MIB1: variants seen among roughly 807,000 people sequenced by gnomAD.
MIB1 encodes the protein E3 ubiquitin-protein ligase MIB1.
A neutral mutation model predicts 124.5 loss-of-function variants in MIB1; 278 were observed. The ratio of observed to expected loss-of-function variants is 2.23; its 90% CI spans 2.02 to 2.47. MIB1 has a LOEUF of 2.47. Ranked by LOEUF, MIB1 falls within the 30% of genes most tolerant of loss-of-function variation. The probability of loss-of-function intolerance (pLI) is 0.00; values close to 1 mark genes in which losing one functional copy is unlikely to be tolerated. For synonymous variants in MIB1, 446 were observed against 429.4 expected, an observed-to-expected ratio of 1.04 and a Z score of -0.48; for missense variants, 957 against 1,254.4, an observed-to-expected ratio of 0.76 and a Z score of 3.58.
chr18:21,787,003 C>A (rs535147581), intron 6 of MIB1, among the ~76,000 whole-genome samples: 1 of 150,206 alleles, frequency 6.7e-6, no homozygotes, highest in Admixed American at 6.6e-5. Flanking sequence ...TATATGGCTT[C>A]GTATTGAAAG....
chr18:21,853,133 T>C lies in MIB1; in HGVS notation c.2587-7T>C. The C allele has an allele frequency of 6.2e-7, 1 of 1,605,990 alleles. No homozygotes were observed. The highest frequency in any genetic ancestry group is 8.5e-7 in the Non-Finnish European group (1 of 1,172,938). Reference sequence around the variant, plus strand: ...TGGTCACTGTGCTGTAACCTCTTTTTCTATAGATTGAAGAATGTGTGGTAT... The same window carrying C: ...TGGTCACTGTGCTGTAACCTCTTTTCCTATAGATTGAAGAATGTGTGGTAT... On this transcript the variant is annotated splice_polypyrimidine_tract_variant and splice_region_variant and intron_variant, in intron 17 of 20. Coordinates refer to ENST00000261537, the MANE Select transcript of MIB1 (RefSeq NM_020774.4).
intron 4 of MIB1, 27 bp from the exon 5 acceptor site, chr18:21,778,076 G>T (rs745887765): frequency 2.5e-6 from 4 of 1,570,702 alleles, no homozygotes; most frequent in Non-Finnish European, 3.5e-6. Context: ...TTTCATGGGT[G>T]ATTTTTCTGG....
chr18:21,773,693 GCTAAGAAC>G lies in MIB1; in HGVS notation c.604_611del (p.Lys202LeufsTer6). The G allele has an allele frequency of 6.2e-7, 1 of 1,607,746 alleles. No homozygotes were observed. The highest frequency in any genetic ancestry group is 8.5e-7 in the Non-Finnish European group (1 of 1,177,540). ...AGCATATGTCCTCTGGGATAATGGT[GCTAAGAAC>G]CTTTACAGAGTTGGCTTTGAGGGCA... is the stretch of plus-strand genomic sequence containing the variant. On this transcript the variant is annotated frameshift_variant, in exon 4 of 21. Transcript: ENST00000261537. LOFTEE classifies it high-confidence loss of function.
Position 21,768,659 on chromosome 18 carries a change from T to C in MIB1, c.438T>C (p.Ile146=). 6.3e-7 allele frequency: 1 copy of C among 1,597,222 alleles called. No homozygotes were observed. Among genetic ancestry groups the C allele is most frequent in the Non-Finnish European group, 8.5e-7 (1 of 1,170,944 alleles). ...LLESRRKSKK[I]TARGIFAGAR... is the part of the protein sequence containing the mutation. ...AGTCTCGTAGGAAATCTAAGAAGAT[T>C]ACAGCCAGAGGAATCTTTGCAGGTG... Residue 146 remains isoleucine (I), a synonymous_variant, in exon 3 of 21, where the codon ATT becomes ATC. Transcript: ENST00000261537.
At chr18:21,794,609 A>G (rs2041552925) in intron 7 of MIB1, among the ~76,000 whole-genome samples, 1 of 152,204 alleles carries the variant, frequency 6.6e-6, no homozygotes. Context: ...GGCACATTGC[A>G]TACCTGGGAA....
chr18:21,725,039 G>A (rs1443460638), intron 1 of MIB1, among the ~76,000 whole-genome samples: 2 of 143,166 alleles, frequency 1.4e-5, no homozygotes, highest in Non-Finnish European at 1.5e-5. Flanking sequence ...AGCTTGCAGT[G>A]AGCTGAGATT....
At chr18:21,707,088 T>C (rs987226905) in intron 1 of MIB1, among the ~76,000 whole-genome samples, 1 of 152,230 alleles carries the variant, frequency 6.6e-6, no homozygotes, top group African/African-American at 2.4e-5. Context: ...ATCAGCACTC[T>C]GTATCTAGCT....
In MIB1 at chr18:21,741,857, G is replaced by C; in HGVS notation, c.229+45G>C. ...CCAGGGCTTGCGCGCGCGGGGGGAA[G>C]GGGCGAGCTGCGGTGGGCGTCGGTG... On this transcript the variant is annotated intron_variant, in intron 1 of 20. Transcript: ENST00000261537. This position sits in a 1 kb window ranked among gnomAD's most constrained non-coding sequence, Gnocchi z 5.4. The C allele has an allele frequency of 6.7e-7, 1 of 1,488,226 alleles. No individual in the cohort carries two copies. The allele number at this position is 1,488,226 out of a possible 1,614,324, so 92.2% of individuals were successfully genotyped here.
intron 1 of MIB1, among the ~76,000 whole-genome samples, chr18:21,706,075 CTGTTT>C (rs370834206): frequency 0.011 from 1,612 of 152,168 alleles, 36 homozygotes; most frequent in African/African-American, 0.036. Flanking sequence ...TAAGTTTGTT[CTGTTT>C]TGTTTTGTTT....
At chr18:21,841,915 G>T (rs534533145) in intron 13 of MIB1, among the ~76,000 whole-genome samples, 46 of 151,758 alleles carry the variant, frequency 3.0e-4, no homozygotes, top group African/African-American at 1.1e-3. Flanking sequence ...AAAAGCTCAG[G>T]AAACTTAAAG....
intron 12 of MIB1, among the ~76,000 whole-genome samples, chr18:21,836,206 A>T (rs527272900): frequency 1.3e-5 from 2 of 151,834 alleles, no homozygotes; most frequent in African/African-American, 4.8e-5. Flanking sequence ...GTGAACTCTG[A>T]TCGTGCCACT....
At position 21,773,677 on chromosome 18, in the gene MIB1, C is replaced by T. The variant is rs1439754644; in HGVS notation, c.585C>T (p.Val195=). 2 of 1,609,240 alleles carry T rather than the reference C, an allele frequency of 1.2e-6. No homozygotes were observed. Among genetic ancestry groups the T allele is most frequent in the Non-Finnish European group, 1.7e-6 (2 of 1,178,000 alleles). Residue 195 remains valine (V), a synonymous_variant, in exon 4 of 21, where the codon GTC becomes GTT. Transcript: ENST00000261537. ...SASSPHSAAY[V]LWDNGAKNLY... ...CAAGCCCACATAGCGCAGCATATGT[C>T]CTCTGGGATAATGGTGCTAAGAACC...
At chr18:21,770,629 A>G (rs1194539465) in intron 3 of MIB1, among the ~76,000 whole-genome samples, 1 of 152,072 alleles carries the variant, frequency 6.6e-6, no homozygotes, top group Non-Finnish European at 1.5e-5. Context: ...CTATTCTTAA[A>G]GGGCTTTTTA....
chr18:21,792,270 C>T (rs2041513771), intron 7 of MIB1, among the ~76,000 whole-genome samples: 1 of 152,128 alleles, frequency 6.6e-6, no homozygotes, highest in Non-Finnish European at 1.5e-5. Flanking sequence ...CAGTTCCTGT[C>T]CTGCCTGTCC....
chr18:21,783,911 A>C (rs927659473), intron 6 of MIB1, among the ~76,000 whole-genome samples: 3 of 151,782 alleles, frequency 2.0e-5, no homozygotes, highest in Admixed American at 2.0e-4. Flanking sequence ...CATGGTCATT[A>C]AAAATTTTTT....
At chr18:21,781,690 C>T (rs1264625805) in intron 6 of MIB1, among the ~76,000 whole-genome samples, 1 of 151,784 alleles carries the variant, frequency 6.6e-6, no homozygotes, top group African/African-American at 2.4e-5. Context: ...GCTGAGATTA[C>T]AGGTGAGCCA....
intron 1 of MIB1, among the ~76,000 whole-genome samples, chr18:21,712,353 A>G (rs560521103): frequency 6.6e-6 from 1 of 152,264 alleles, no homozygotes; most frequent in East Asian, 1.9e-4. Context: ...TGGAGTGTGT[A>G]TAGGACCTGT....
intron 1 of MIB1, among the ~76,000 whole-genome samples, chr18:21,711,236 TAAGA>T (rs1347113901): frequency 6.6e-6 from 1 of 152,182 alleles, no homozygotes; most frequent in Non-Finnish European, 1.5e-5. Context: ...AATAAATTTC[TAAGA>T]AAGAAAGATT....
Position 21,844,085 on chromosome 18 carries a change from CT to C in MIB1, c.2050-3del, listed in dbSNP as rs779872674. 15 of 1,613,086 alleles carry C rather than the reference CT, an allele frequency of 9.3e-6. No individual in the cohort carries two copies. Among genetic ancestry groups the C allele is most frequent in the Non-Finnish European group, 1.7e-6 (2 of 1,179,680 alleles). On this transcript the variant is annotated splice_region_variant and splice_polypyrimidine_tract_variant and intron_variant, in intron 14 of 20. Coordinates refer to ENST00000261537, the MANE Select transcript of MIB1 (RefSeq NM_020774.4). ...CTTTGCCAAAATGAGACATCTTTCT[CT>C]TTTAGCTTTTGGTCCGTGCAGGTGC...
Sources: gnomAD v4.1 joint callset for allele counts (sites outside exome capture counted in the v4.1 genomes callset) on GRCh38, gnomAD v4.1.1 for gene constraint, Gnocchi (gnomAD v3.1) non-coding constraint, MANE v1.5 for transcripts, NCBI Gene and HGNC (gene_info 2026-07-23, HGNC 2026-07-21) for gene names.